COL24A1: variants seen among roughly 807,000 people sequenced by gnomAD.
The protein encoded by COL24A1 is collagen type XXIV alpha 1 chain.
Under a neutral mutation model 253.9 loss-of-function variants are expected in COL24A1, and 224 were observed. That is an observed-to-expected ratio of 0.88 (90% CI 0.79 to 0.99). COL24A1 has a LOEUF of 0.99. Ranked by LOEUF, COL24A1 falls within the 50% of genes least tolerant of loss-of-function variation. The pLI is 0.00. For missense variants in COL24A1, 2,131 were observed against 2,068.5 expected, an observed-to-expected ratio of 1.03 and a Z score of -0.59; for synonymous variants, 685 against 673.7, an observed-to-expected ratio of 1.02 and a Z score of -0.26.
At chr1:85,812,873 G>A (rs181018092) in intron 47 of COL24A1, among the ~76,000 whole-genome samples, 5 of 152,222 alleles carry the variant, frequency 3.3e-5, no homozygotes, top group Admixed American at 3.3e-4. Flanking sequence ...TACCACCCCT[G>A]GTGACTGCCA....
Position 86,125,490 on chromosome 1 carries a change from A to G in COL24A1, c.846T>C (p.Asp282=), listed in dbSNP as rs929278464. 5 of 1,613,654 alleles carry G rather than the reference A, an allele frequency of 3.1e-6. No homozygotes were observed. The highest frequency in any genetic ancestry group is 4.2e-6 in the Non-Finnish European group (5 of 1,179,788). Residue 282 remains aspartate, a synonymous_variant, in exon 3 of 60, where the codon GAT becomes GAC. Coordinates refer to ENST00000370571, the MANE Select transcript of COL24A1 (RefSeq NM_152890.7). ...KLFAEKVLSE[D]TFTEGKSIPN... ...GAATGCTTTTGCCTTCAGTAAATGT[A>G]TCCTCTGACAGTACTTTTTCAGCAA...
At chr1:86,092,962 T>C (rs772591835) in intron 5 of COL24A1, among the ~76,000 whole-genome samples, 2 of 152,052 alleles carry the variant, frequency 1.3e-5, no homozygotes, top group African/African-American at 4.8e-5. Context: ...TTATGATGCA[T>C]AGTAGCAAAG....
At chr1:85,868,698 T>C in intron 36 of COL24A1, 72 bp from the exon 37 acceptor site, 1 of 1,488,440 alleles carries the variant, frequency 6.7e-7, no homozygotes, top group Non-Finnish European at 9.2e-7. Context: ...AACAGGTTTT[T>C]GTCACACAAA....
chr1:85,983,069 C>T (rs557254607), intron 20 of COL24A1, among the ~76,000 whole-genome samples: 4 of 152,062 alleles, frequency 2.6e-5, no homozygotes, highest in African/African-American at 9.6e-5. Context: ...CCATATATTA[C>T]ACAACATAAT....
chr1:85,896,282 GTT>G, intron 29 of COL24A1, 72 bp downstream of exon 29: 6 of 1,396,086 alleles, frequency 4.3e-6, no homozygotes, highest in Non-Finnish European at 6.0e-6. Flanking sequence ...GAAATATATT[GTT>G]TTTTAGACTA....
chr1:85,896,561 C>G (rs1683752973), intron 28 of COL24A1, 152 bp from the exon 29 acceptor site: 1 of 620,046 alleles, frequency 1.6e-6, no homozygotes, highest in Non-Finnish European at 2.8e-6. Flanking sequence ...AGTGGCGCGT[C>G]TCGGCTCACT....
At chr1:86,027,020 T>A (rs113773847) in intron 14 of COL24A1, among the ~76,000 whole-genome samples, 13,205 of 152,176 alleles carry the variant, frequency 0.087, 704 homozygotes, top group Middle Eastern at 0.19. Context: ...ACTTTGAACT[T>A]GAGAGAGATG....
intron 14 of COL24A1, among the ~76,000 whole-genome samples, chr1:86,026,061 C>T (rs1412565796): frequency 1.3e-5 from 2 of 152,048 alleles, no homozygotes; most frequent in Non-Finnish European, 2.9e-5. Flanking sequence ...TGTAATGTTG[C>T]CAAAAATAGG....
rs748650963 is a variant in COL24A1 at position 85,961,274 on chromosome 1, C to A, written c.2537G>T (p.Gly846Val). The change falls in exon 24 of 60, where the codon GGA becomes GTA. Residue 846 changes from glycine (G) to valine (V), a missense_variant. Transcript: ENST00000370571. ...TGTTTCACCAATTTTTCCAATATTT[C>A]CTTGATCTCCTACTTCTCCCTGTCA... The part of the protein sequence containing the change: ...EGLKGEVGDQ[G>V]NIGKIGETGP... 6.2e-7 allele frequency: 1 copy of A among 1,604,770 alleles called. No homozygotes were observed. Among genetic ancestry groups the A allele is most frequent in the Non-Finnish European group, 8.5e-7 (1 of 1,172,884 alleles).
chr1:85,808,283 T>C (rs760399123), intron 47 of COL24A1, among the ~76,000 whole-genome samples: 1 of 152,210 alleles, frequency 6.6e-6, no homozygotes, highest in Non-Finnish European at 1.5e-5. Context: ...TACTCATGTG[T>C]TTGGCTAGAG....
chr1:85,731,948 T>TAC (rs1663515960), intron 59 of COL24A1, among the ~76,000 whole-genome samples: 2 of 151,932 alleles, frequency 1.3e-5, no homozygotes, highest in Non-Finnish European at 1.5e-5. Flanking sequence ...CCCATACATA[T>TAC]ACACACACAC....
At chr1:86,058,318 A>AT (rs1247242057) in intron 9 of COL24A1, among the ~76,000 whole-genome samples, 2 of 151,348 alleles carry the variant, frequency 1.3e-5, no homozygotes, top group African/African-American at 4.8e-5. Flanking sequence ...AGGCCCATAA[A>AT]TTTTTTTTAA....
intron 19 of COL24A1, among the ~76,000 whole-genome samples, chr1:86,015,097 A>G (rs1452144873): frequency 2.0e-5 from 3 of 152,210 alleles, no homozygotes; most frequent in Non-Finnish European, 2.9e-5. Flanking sequence ...TGGACCTGCA[A>G]GTTTATTAAA....
At chr1:85,941,461 G>A (rs1558738649) in intron 24 of COL24A1, among the ~76,000 whole-genome samples, 1 of 151,994 alleles carries the variant, frequency 6.6e-6, no homozygotes, top group Non-Finnish European at 1.5e-5. Context: ...ACCAATTTGG[G>A]TTTCACCTTC....
intron 6 of COL24A1, among the ~76,000 whole-genome samples, chr1:86,091,092 C>A (rs144868254): frequency 1.3e-5 from 2 of 152,008 alleles, no homozygotes; most frequent in African/African-American, 4.8e-5. Flanking sequence ...TCTCATATTG[C>A]AGAATTTTGT....
chr1:85,779,055 G>C (rs1164346127), intron 52 of COL24A1, among the ~76,000 whole-genome samples: 1 of 152,088 alleles, frequency 6.6e-6, no homozygotes, highest in Non-Finnish European at 1.5e-5. Flanking sequence ...TGCGCAGGCT[G>C]GAGTGCAGTG....
At chr1:86,073,060 C>T (rs558817952) in intron 7 of COL24A1, among the ~76,000 whole-genome samples, 5 of 152,166 alleles carry the variant, frequency 3.3e-5, no homozygotes, top group Admixed American at 2.0e-4. Context: ...AAAACCAGAA[C>T]GCCTCTTCTC....
intron 24 of COL24A1, among the ~76,000 whole-genome samples, chr1:85,960,143 G>GT (rs1690872269): frequency 6.7e-6 from 1 of 150,134 alleles, no homozygotes; most frequent in African/African-American, 2.4e-5. Flanking sequence ...CATCAGAAAT[G>GT]TTTTGTTGTT....
chr1:85,986,651 G>A (rs548547237), intron 20 of COL24A1, among the ~76,000 whole-genome samples: 1 of 151,960 alleles, frequency 6.6e-6, no homozygotes, highest in East Asian at 1.9e-4. Flanking sequence ...TAATGCTGTT[G>A]TGAAAATTAA....
Sources: gnomAD v4.1 joint callset for allele counts (sites outside exome capture counted in the v4.1 genomes callset) on GRCh38, gnomAD v4.1.1 for gene constraint, MANE v1.5 for transcripts, NCBI Gene and HGNC (gene_info 2026-07-23, HGNC 2026-07-21) for gene names.